The following STAU2 variants were observed in gnomAD, a reference collection of about 807,000 sequenced individuals.
STAU2 encodes the protein staufen double-stranded RNA binding protein 2.
Under a neutral mutation model 65.9 loss-of-function variants are expected in STAU2, and 20 were observed. The ratio of observed to expected loss-of-function variants is 0.30; its 90% CI spans 0.21 to 0.44. STAU2 has a LOEUF of 0.44. Among genes scored for constraint, STAU2 ranks in the 20% least tolerant of loss-of-function variants. STAU2 has a pLI of 1.00. For missense variants in STAU2, 558 were observed against 683.9 expected (o/e 0.82, Z 2.05); for synonymous variants, 232 against 233.9 (o/e 0.99, Z 0.07).
chr8:73,664,692 G>A (rs1194954260), intron 6 of STAU2, among the ~76,000 whole-genome samples: 2 of 152,020 alleles, frequency 1.3e-5, no homozygotes, highest in South Asian at 4.1e-4. Context: ...CTGATATTTT[G>A]TTAAGAATTT....
intron 13 of STAU2, among the ~76,000 whole-genome samples, chr8:73,488,587 T>C (rs900173220): frequency 6.6e-6 from 1 of 151,954 alleles, no homozygotes; most frequent in East Asian, 1.9e-4. Flanking sequence ...GGTCTCCTCA[T>C]TGACAATGAA....
intron 13 of STAU2, among the ~76,000 whole-genome samples, chr8:73,448,581 C>G (rs1011296686): frequency 8.5e-5 from 13 of 152,210 alleles, no homozygotes; most frequent in South Asian, 2.1e-4. Context: ...CCACGCCCGG[C>G]TAGGAGACAC....
At chr8:73,534,203 G>C (rs1423491808) in intron 13 of STAU2, among the ~76,000 whole-genome samples, 2 of 152,202 alleles carry the variant, frequency 1.3e-5, no homozygotes, top group Non-Finnish European at 2.9e-5. Context: ...TTGCACAGAA[G>C]AGTACAGGCA....
Position 73,686,894 on chromosome 8 carries a change from T to C in STAU2, c.274+1760A>G, listed in dbSNP as rs77515306. On this transcript the variant is annotated intron_variant, in intron 5 of 14. Transcript: ENST00000524300. ...CGGAATTTGTGATGGGGTTTCTTTC[T>C]TTTTTTTTTTTCTTTTGAGACAGAG... is the stretch of plus-strand genomic sequence containing the variant. 7.9e-4 allele frequency among the ~76,000 whole-genome samples: 60 copies of C among 76,328 alleles called. No individual in the cohort carries two copies. The Middle Eastern group carries it at 0.023, about 29-fold the overall frequency. The allele number at this position is 76,328 out of a possible 152,430, so 50.1% of individuals were successfully genotyped here.
At chr8:73,744,975 G>C (rs750539221) in intron 1 of STAU2, among the ~76,000 whole-genome samples, 1 of 152,080 alleles carries the variant, frequency 6.6e-6, no homozygotes, top group Non-Finnish European at 1.5e-5. Flanking sequence ...GGATTACACA[G>C]CAACATTCTT....
intron 4 of STAU2, among the ~76,000 whole-genome samples, chr8:73,693,201 C>T (rs371502940): frequency 7.4e-5 from 11 of 148,840 alleles, no homozygotes; most frequent in African/African-American, 2.5e-4. Flanking sequence ...GGGCTGGGTG[C>T]GGTGGCTCAC....
intron 6 of STAU2, among the ~76,000 whole-genome samples, chr8:73,623,363 C>G (rs1222426081): frequency 6.6e-6 from 1 of 152,124 alleles, no homozygotes; most frequent in East Asian, 1.9e-4. Context: ...AAAGACATAT[C>G]CCAAATAACA....
chr8:73,475,753 T>C (rs373739947), intron 13 of STAU2, among the ~76,000 whole-genome samples: 7 of 152,346 alleles, frequency 4.6e-5, no homozygotes, highest in African/African-American at 1.7e-4. Flanking sequence ...AGGAATCTGA[T>C]ACCCAAAGAG....
At position 73,603,617 on chromosome 8, in the gene STAU2, A is replaced by C. The variant is rs776657461; in HGVS notation, c.1029+109T>G. ...TGGACAGAATGAATGCTTTAACTGG[A>C]AACAGTTTTACTTTCTGCTCTTAAG... On this transcript the variant is annotated intron_variant, in intron 10 of 14. Coordinates refer to ENST00000524300, the MANE Select transcript of STAU2 (RefSeq NM_001164380.2). The C allele has an allele frequency of 7.9e-6, 11 of 1,399,218 alleles. No individual in the cohort carries two copies. In the South Asian group the frequency reaches 1.4e-4, roughly 17 times the overall value. 86.7% of individuals were successfully genotyped at this position (1,399,218 alleles called of 1,614,324 possible). A position where few individuals can be genotyped will look rare whatever the true frequency, so the allele number is the denominator to read the frequency against.
At chr8:73,652,146 A>G (rs1037557564) in intron 6 of STAU2, 3 of 152,206 alleles carry the variant, frequency 2.0e-5, no homozygotes, top group African/African-American at 7.2e-5. Flanking sequence ...CTTTGTGTGT[A>G]AAAAAGAAAA....
chr8:73,532,083 G>A (rs1293236741), intron 13 of STAU2, among the ~76,000 whole-genome samples: 1 of 152,120 alleles, frequency 6.6e-6, no homozygotes, highest in East Asian at 1.9e-4. Context: ...AGAAAGGGAG[G>A]TTGGATATGC....
Position 73,576,468 on chromosome 8 carries a change from G to A in STAU2, c.1222+6302C>T, listed in dbSNP as rs377326738. Among the ~76,000 whole-genome samples the A allele has an allele frequency of 5.9e-5, 9 of 152,124 alleles. No homozygotes were observed. In the East Asian group the frequency reaches 1.2e-3, roughly 20 times the overall value. ...GGACTCATTTATTTGATGAAATTAT[G>A]AGGAATAAAGGGTGGGGCGACTACA... On this transcript the variant is annotated intron_variant, in intron 12 of 14. Transcript: ENST00000524300.
intron 13 of STAU2, among the ~76,000 whole-genome samples, chr8:73,498,857 C>T (rs886901106): frequency 6.6e-6 from 1 of 151,786 alleles, no homozygotes; most frequent in African/African-American, 2.4e-5. Context: ...GTTAACTTGG[C>T]TGTGCTGTGG....
chr8:73,546,450 C>T (rs1444628312), intron 13 of STAU2, among the ~76,000 whole-genome samples: 1 of 152,108 alleles, frequency 6.6e-6, no homozygotes, highest in Non-Finnish European at 1.5e-5. Flanking sequence ...TCTTCAAAAT[C>T]AAATAAAAGA....
chr8:73,532,460 G>T (rs976536214), intron 13 of STAU2, among the ~76,000 whole-genome samples: 1 of 151,952 alleles, frequency 6.6e-6, no homozygotes, highest in African/African-American at 2.4e-5. Context: ...GGCCAACAGG[G>T]GAGGATCCCT....
intron 13 of STAU2, among the ~76,000 whole-genome samples, chr8:73,504,308 T>C (rs1185466540): frequency 6.6e-6 from 1 of 152,142 alleles, no homozygotes; most frequent in Non-Finnish European, 1.5e-5. Context: ...TCTTCAATAC[T>C]TGGCATTTCC....
chr8:73,497,832 TTTATCA>T (rs1286929873), intron 13 of STAU2, among the ~76,000 whole-genome samples: 1 of 151,802 alleles, frequency 6.6e-6, no homozygotes, highest in Non-Finnish European at 1.5e-5. Context: ...CGAGTGTTTC[TTTATCA>T]GTATAATTAC....
At chr8:73,522,336 A>G (rs929991012) in intron 13 of STAU2, among the ~76,000 whole-genome samples, 5 of 152,220 alleles carry the variant, frequency 3.3e-5, no homozygotes, top group South Asian at 4.1e-4. Context: ...TTAGTGAGTT[A>G]TATCAAGCTA....
chr8:73,707,946 A>T lies in STAU2; in HGVS notation c.114+1086T>A, dbSNP rs147518457. On this transcript the variant is annotated intron_variant, in intron 4 of 14. Coordinates refer to ENST00000524300, the MANE Select transcript of STAU2 (RefSeq NM_001164380.2). The stretch of plus-strand genomic sequence containing the variant: ...ACCTTCAAGGCAGAAAGACACTACA[A>T]CTTAGGCAAAGGCAGAGAGATGTGA... Among the ~76,000 whole-genome samples, 119 of 152,336 alleles carry T rather than the reference A, an allele frequency of 7.8e-4. 1 individual carries two copies. The highest frequency in any genetic ancestry group is 7.3e-3 in the Admixed American group (111 of 15,308).
Sources: allele counts gnomAD v4.1 joint callset (sites outside exome capture counted in the v4.1 genomes callset), GRCh38; gene constraint gnomAD v4.1.1; transcripts MANE v1.5; gene names NCBI Gene and HGNC (gene_info 2026-07-23, HGNC 2026-07-21).